SLCO1A2: variants seen among roughly 807,000 people sequenced by gnomAD.
SLCO1A2 encodes the protein OATP-1.
Under a neutral mutation model 69.0 loss-of-function variants are expected in SLCO1A2, and 67 were observed. That is an observed-to-expected ratio of 0.97 (90% CI 0.80 to 1.19). The LOEUF is 1.19. Among genes scored for constraint, SLCO1A2 ranks in the 50% most tolerant of loss-of-function variants. The pLI, the probability that SLCO1A2 is intolerant of heterozygous loss-of-function variation, is 0.00. For synonymous variants in SLCO1A2, 260 were observed against 265.9 expected, an observed-to-expected ratio of 0.98 and a Z score of 0.22; for missense variants, 787 against 793.7, an observed-to-expected ratio of 0.99 and a Z score of 0.10.
chr12:21,353,968 C>G (rs1485209185), intron 2 of SLCO1A2, among the ~76,000 whole-genome samples: 4 of 152,168 alleles, frequency 2.6e-5, no homozygotes, highest in South Asian at 4.1e-4. Flanking sequence ...GTTAGATTCT[C>G]CTGCTTACCA....
chr12:21,276,699 G>A (rs1943925721), intron 12 of SLCO1A2, among the ~76,000 whole-genome samples: 1 of 152,138 alleles, frequency 6.6e-6, no homozygotes, highest in Non-Finnish European at 1.5e-5. Context: ...CCCCAGCAGT[G>A]GCCACATGGC....
At chr12:21,408,214 G>A (rs997366785) in intron 1 of SLCO1A2, among the ~76,000 whole-genome samples, 2 of 152,038 alleles carry the variant, frequency 1.3e-5, no homozygotes, top group South Asian at 2.1e-4. Context: ...TATGACAAAC[G>A]AATTTATTAA....
chr12:21,275,448 A>G, intron 12 of SLCO1A2, 24 bp from the exon 13 acceptor site: 1 of 1,424,260 alleles, frequency 7.0e-7, no homozygotes, highest in Non-Finnish European at 9.3e-7. Flanking sequence ...AAGTTTGTAA[A>G]TAAAAGAAAA....
intron 1 of SLCO1A2, among the ~76,000 whole-genome samples, chr12:21,382,450 A>G (rs556643182): frequency 6.6e-6 from 1 of 152,336 alleles, no homozygotes; most frequent in African/African-American, 2.4e-5. Context: ...CGGTGTAACC[A>G]AAAACCACTT....
intron 12 of SLCO1A2, among the ~76,000 whole-genome samples, chr12:21,280,508 GATTA>G (rs1259656115): frequency 6.6e-6 from 1 of 151,812 alleles, no homozygotes; most frequent in Non-Finnish European, 1.5e-5. Flanking sequence ...AGGATAAAAG[GATTA>G]ATTAAGCAAG....
At chr12:21,355,987 G>T (rs1938332961) in intron 2 of SLCO1A2, among the ~76,000 whole-genome samples, 2 of 152,014 alleles carry the variant, frequency 1.3e-5, no homozygotes, top group Non-Finnish European at 2.9e-5. Context: ...TGAAAGGGAT[G>T]ATTTGTGAAC....
rs553854015 is a variant in SLCO1A2 at position 21,370,706 on chromosome 12, G to A, written c.-63+3693C>T. 1.0e-3 allele frequency among the ~76,000 whole-genome samples: 157 copies of A among 152,206 alleles called. 2 individuals are homozygous for A. The highest frequency in any genetic ancestry group is 3.4e-3 in the African/African-American group (140 of 41,542). ...GAAAATAGAATAAATAACAATGTAGGTAATAAGCAAGTATTTTTGTCTAAA... is the reference window on the plus strand; with the variant it reads ...GAAAATAGAATAAATAACAATGTAGATAATAAGCAAGTATTTTTGTCTAAA... On this transcript the variant is annotated intron_variant, in intron 2 of 15. Coordinates refer to the SLCO1A2 transcript ENST00000307378.
chr12:21,392,987 A>G (rs1446820409), intron 1 of SLCO1A2, among the ~76,000 whole-genome samples: 2 of 151,896 alleles, frequency 1.3e-5, no homozygotes, highest in South Asian at 2.1e-4. Context: ...TCTCTCACCT[A>G]TTCTAAATCT....
chr12:21,360,673 G>A (rs539835518), intron 2 of SLCO1A2, among the ~76,000 whole-genome samples: 155 of 152,262 alleles, frequency 1.0e-3, no homozygotes, highest in African/African-American at 3.4e-3. Flanking sequence ...CTGGAAAATC[G>A]GGACACTCCC....
At chr12:21,315,097 C>T (rs1950709157) in intron 3 of SLCO1A2, among the ~76,000 whole-genome samples, 1 of 152,188 alleles carries the variant, frequency 6.6e-6, no homozygotes, top group Non-Finnish European at 1.5e-5. Flanking sequence ...ATCATGTTTT[C>T]CTATGCCCAG....
chr12:21,296,534 C>T (rs957919619), intron 9 of SLCO1A2, among the ~76,000 whole-genome samples: 1 of 151,536 alleles, frequency 6.6e-6, no homozygotes, highest in Non-Finnish European at 1.5e-5. Context: ...TGAGCCACCA[C>T]ACCCAGTTCA....
chr12:21,347,812 T>C (rs373097316), intron 2 of SLCO1A2, among the ~76,000 whole-genome samples: 1 of 151,732 alleles, frequency 6.6e-6, no homozygotes, highest in Non-Finnish European at 1.5e-5. Flanking sequence ...ATACCACCAA[T>C]GGAAATATGG....
At chr12:21,347,614 C>G (rs1953301223) in intron 2 of SLCO1A2, among the ~76,000 whole-genome samples, 1 of 144,048 alleles carries the variant, frequency 6.9e-6, no homozygotes, top group African/African-American at 2.6e-5. Flanking sequence ...CACTGCACTG[C>G]AGCCTGGGTG....
intron 4 of SLCO1A2, 66 bp downstream of exon 4, chr12:21,314,482 GA>G: frequency 6.4e-7 from 1 of 1,562,754 alleles, no homozygotes; most frequent in Non-Finnish European, 8.8e-7. Flanking sequence ...TCCTAGAGAG[GA>G]AAGTGCAACT....
chr12:21,270,203 G>A (rs1220633332), intron 14 of SLCO1A2, among the ~76,000 whole-genome samples: 2 of 151,710 alleles, frequency 1.3e-5, no homozygotes, highest in Non-Finnish European at 3.0e-5. Flanking sequence ...TTTCTATTGT[G>A]AGCTTGCTCA....
chr12:21,339,251 T>G (rs1197559195), upstream of SLCO1A2, among the ~76,000 whole-genome samples: 2 of 151,964 alleles, frequency 1.3e-5, no homozygotes, highest in Non-Finnish European at 2.9e-5. Flanking sequence ...CAAGTGACCT[T>G]ATAAACAATT....
intron 2 of SLCO1A2, among the ~76,000 whole-genome samples, chr12:21,321,009 C>G (rs752465705): frequency 6.6e-6 from 1 of 152,154 alleles, no homozygotes; most frequent in Admixed American, 6.6e-5. Context: ...TTCCATCCAC[C>G]CTATAGTCTG....
rs140727202 is a variant in SLCO1A2 at position 21,326,971 on chromosome 12, G to A, written c.60+7617C>T. Among the ~76,000 whole-genome samples, 144 of 152,284 alleles carry A rather than the reference G, an allele frequency of 9.5e-4. 2 individuals carry two copies. In the East Asian group the frequency reaches 0.023, roughly 24 times the overall value. ...TGAGAAGCCAAATGTTAATCACCCA[G>A]ACAATGGGGAAAATGTCTCCCGGAC... On this transcript the variant is annotated intron_variant, in intron 2 of 14. Coordinates refer to ENST00000683939, the MANE Select transcript of SLCO1A2 (RefSeq NM_001386879.1).
intron 1 of SLCO1A2, among the ~76,000 whole-genome samples, chr12:21,389,108 T>C (rs992966791): frequency 6.6e-6 from 1 of 152,320 alleles, no homozygotes; most frequent in Non-Finnish European, 1.5e-5. Context: ...AAATGGGTAA[T>C]GTACTACCTT....
Sources: gnomAD v4.1 joint callset for allele counts (sites outside exome capture counted in the v4.1 genomes callset) on GRCh38, gnomAD v4.1.1 for gene constraint, MANE v1.5 for transcripts, NCBI Gene and HGNC (gene_info 2026-07-23, HGNC 2026-07-21) for gene names.